KRI1: variants seen among roughly 807,000 people sequenced by gnomAD.
The protein encoded by KRI1 is KRI1 homolog, also known as protein KRI1 homolog.
In KRI1, 83 loss-of-function variants were observed where a neutral mutation model predicts 97.0. That is an observed-to-expected ratio of 0.86 (90% CI 0.72 to 1.03). The LOEUF (loss-of-function observed/expected upper bound fraction) is 1.03. Among genes scored for constraint, KRI1 ranks in the 50% least tolerant of loss-of-function variants. The probability of loss-of-function intolerance (pLI) is 0.00; values close to 1 mark genes in which losing one functional copy is unlikely to be tolerated. For missense variants in KRI1, 916 were observed against 928.4 expected, an observed-to-expected ratio of 0.99 and a Z score of 0.17; for synonymous variants, 371 against 363.5, an observed-to-expected ratio of 1.02 and a Z score of -0.23.
chr19:10,565,964 C>T lies in KRI1; in HGVS notation c.36G>A (p.Val12=). The T allele has an allele frequency of 6.5e-7, 1 of 1,528,562 alleles. No individual in the cohort carries two copies. Among genetic ancestry groups the T allele is most frequent in the Admixed American group, 2.0e-5 (1 of 49,806 alleles). The allele number at this position is 1,528,562 out of a possible 1,614,324, so 94.7% of individuals were successfully genotyped here. ...PEPRGSSQLR[V]NAAFAARYNR... ...TGTACCGCGCGGCAAACGCCGCGTTCACCCGCAGCTGCGACGACCCGCGCG... is the reference window on the plus strand; with the variant it reads ...TGTACCGCGCGGCAAACGCCGCGTTTACCCGCAGCTGCGACGACCCGCGCG... The change falls in exon 1 of 19, where the codon GTG becomes GTA. Residue 12 remains valine, a synonymous_variant. Coordinates refer to ENST00000312962, the MANE Select transcript of KRI1 (RefSeq NM_023008.5).
rs367928481 is a variant in KRI1 at position 10,562,878 on chromosome 19, C to G, written c.275-41G>C. ...AGACACCTGCCATCACCCACAACCC[C>G]CTTCTTTGCCGTGGCAGAGAATCCC... is the stretch of plus-strand genomic sequence containing the variant. On this transcript the variant is annotated intron_variant, in intron 3 of 18. Coordinates refer to ENST00000312962, the MANE Select transcript of KRI1 (RefSeq NM_023008.5). 1.7e-5 allele frequency: 22 copies of G among 1,267,620 alleles called. No homozygotes were observed. The African/African-American group carries it at 2.9e-4, about 17-fold the overall frequency. The allele number at this position is 1,267,620 out of a possible 1,614,324, so 78.5% of individuals were successfully genotyped here. A position where few individuals can be genotyped will look rare whatever the true frequency, so the allele number is the denominator to read the frequency against.
In KRI1 at chr19:10,554,165, T is replaced by A. The variant is rs773214524; in HGVS notation, c.1898A>T (p.Glu633Val). The A allele has an allele frequency of 1.4e-5, 22 of 1,613,868 alleles. No individual in the cohort carries two copies. In the Admixed American group the frequency reaches 2.0e-4, roughly 15 times the overall value. Residue 633 changes from glutamate (E) to valine (V), a missense_variant, in exon 19 of 19, where the codon GAA (glutamate) becomes GTA (valine). Glu to Val is a moderately radical substitution (Grantham distance 121). Transcript: ENST00000312962. ...GTGGGGTGATACAGGGGCTTCCTCT[T>A]CCTGTGCTGGGGGACTCTCCGGCCC... ...LMGPESPPAQ[E>V]EEAPVSPHKK...
At position 10,553,556 on chromosome 19, in the gene KRI1, C is replaced by G. The variant is rs78495974; in HGVS notation, c.*395G>C. ...TAAAATGGGACGACTTCCTTACCCA[C>G]AGCTACACGTGTTTTTTAATTTTTT... On this transcript the variant is annotated 3_prime_UTR_variant, in exon 19 of 19. Coordinates refer to ENST00000312962, the MANE Select transcript of KRI1 (RefSeq NM_023008.5). 2,391 of 184,172 alleles carry G rather than the reference C, an allele frequency of 0.013. 55 individuals are homozygous for G. Among genetic ancestry groups the G allele is most frequent in the African/African-American group, 0.053 (2,228 of 42,202 alleles). 11.4% of individuals were successfully genotyped at this position (184,172 alleles called of 1,614,324 possible).
chr19:10,554,205 C>G lies in KRI1; in HGVS notation c.1858G>C (p.Asp620His), dbSNP rs1417867308. Residue 620 changes from aspartate (D) to histidine (H), a missense_variant, in exon 19 of 19, where the codon GAT (aspartate) becomes CAT (histidine). This residue lies in a region of KRI1 where 672 missense variants were observed against 667.2 expected (regional missense o/e 1.01). Coordinates refer to ENST00000312962, the MANE Select transcript of KRI1 (RefSeq NM_023008.5). ...CTCTCCGGCCCCATCAAGCTGCCAT[C>G]AAGGGCTGGCAGCTGCCTCTGTGGG... ...AGPQRQLPAL[D>H]GSLMGPESPP... The G allele has an allele frequency of 6.2e-7, 1 of 1,614,082 alleles. No homozygotes were observed. Among genetic ancestry groups the G allele is most frequent in the South Asian group, 1.1e-5 (1 of 91,086 alleles).
chr19:10,565,293 A>C (rs1916828743), intron 2 of KRI1: 1 of 558,316 alleles, frequency 1.8e-6, no homozygotes, highest in Non-Finnish European at 3.2e-6. Flanking sequence ...AAGACTTGAC[A>C]AGGGGCAGGT....
rs778611922 is a variant in KRI1 at position 10,558,259 on chromosome 19, G to A, written c.1195-20C>T. ...GCACTTCTGCAGGGTCAGGGCTGGC[G>A]GTTACCAGAGCCCACTCGAGACATA... On this transcript the variant is annotated intron_variant, in intron 12 of 18. Transcript: ENST00000312962. The A allele has an allele frequency of 6.8e-6, 11 of 1,613,022 alleles. No homozygotes were observed. Among genetic ancestry groups the A allele is most frequent in the African/African-American group, 2.7e-5 (2 of 74,846 alleles).
At position 10,555,295 on chromosome 19, in the gene KRI1, AG is replaced by A. The variant is rs778241796; in HGVS notation, c.1671del (p.Cys558AlafsTer66). ...GCCCCGCCCCATCACCTGTACATGCAGGTCTTCTTTAGGGAGCACCACCGGT... is the reference window on the plus strand; with the variant it reads ...GCCCCGCCCCATCACCTGTACATGCAGTCTTCTTTAGGGAGCACCACCGGT... ...ELNRWCSLKK[T>X]CMYRSEQEEL... is the part of the protein sequence containing the mutation. On this transcript the variant is annotated frameshift_variant, in exon 17 of 19. Transcript: ENST00000312962. LOFTEE classifies it high-confidence loss of function. 1 of 1,564,232 alleles carries A rather than the reference AG, an allele frequency of 6.4e-7. No individual in the cohort carries two copies. The highest frequency in any genetic ancestry group is 8.7e-7 in the Non-Finnish European group (1 of 1,154,752).
In KRI1 at chr19:10,564,040, G is replaced by A. The variant is rs912475628; in HGVS notation, c.274+889C>T. Among the ~76,000 whole-genome samples the A allele has an allele frequency of 5.3e-5, 8 of 152,056 alleles. 1 individual carries two copies. The highest frequency in any genetic ancestry group is 2.0e-4 in the Admixed American group (3 of 15,240). ...ACGCACCTGTAATCCCAGCTACTCCGGAGGCTGAGGCAGGAGAATCGGTTG... is the reference window on the plus strand; with the variant it reads ...ACGCACCTGTAATCCCAGCTACTCCAGAGGCTGAGGCAGGAGAATCGGTTG... On this transcript the variant is annotated intron_variant, in intron 3 of 18. Coordinates refer to ENST00000312962, the MANE Select transcript of KRI1 (RefSeq NM_023008.5).
Position 10,553,277 on chromosome 19 carries a change from G to T in KRI1, c.*674C>A. 1 of 631,710 alleles carries T rather than the reference G, an allele frequency of 1.6e-6. No homozygotes were observed. The highest frequency in any genetic ancestry group is 2.9e-5 in the East Asian group (1 of 34,616). The allele number at this position is 631,710 out of a possible 1,614,324, so 39.1% of individuals were successfully genotyped here. On this transcript the variant is annotated 3_prime_UTR_variant, in exon 19 of 19. Coordinates refer to ENST00000312962, the MANE Select transcript of KRI1 (RefSeq NM_023008.5). Reference sequence around the variant, plus strand: ...CCACCAGCGGGGCCCTCCTGGCAGGGTAGGGAAGGAGGACCCCGGGCACCC... The same window carrying T: ...CCACCAGCGGGGCCCTCCTGGCAGGTTAGGGAAGGAGGACCCCGGGCACCC...
rs909910604 is a variant in KRI1 at position 10,556,769 on chromosome 19, T to C, written c.1617+783A>G. Among the ~76,000 whole-genome samples, 6 of 152,118 alleles carry C rather than the reference T, an allele frequency of 3.9e-5. No individual in the cohort carries two copies. In the South Asian group the frequency reaches 6.2e-4, roughly 16 times the overall value. On this transcript the variant is annotated intron_variant, in intron 16 of 18. Transcript: ENST00000312962. ...ACTTTGGGAGGCCAAAGCAGGAAGC[T>C]TGTTTAGGCCCAGGGAGTTCGAGAC...
rs1599528318 is a variant in KRI1, at chr19:10,554,039, T to C, written c.2024A>G (p.Gln675Arg). The C allele has an allele frequency of 6.2e-7, 1 of 1,614,196 alleles. No individual in the cohort carries two copies. The highest frequency in any genetic ancestry group is 8.5e-7 in the Non-Finnish European group (1 of 1,180,038). ...CCGTTTGGGGTTGAGGCCAAAGGCC[T>C]GCAGTCTCTGGCGGCTGAACTCGCA... ...GGCEFSRQRL[Q>R]AFGLNPKRLH... The change falls in exon 19 of 19, where the codon CAG becomes CGG. Residue 675 changes from glutamine to arginine, a missense_variant. Coordinates refer to ENST00000312962, the MANE Select transcript of KRI1 (RefSeq NM_023008.5).
At chr19:10,564,860 C>T in intron 3 of KRI1, 69 bp downstream of exon 3, 4 of 973,496 alleles carry the variant, frequency 4.1e-6, no homozygotes, top group Admixed American at 1.7e-5. Context: ...TCTCTGAATC[C>T]ACAGTCAGGA....
intron 2 of KRI1, 184 bp from the exon 3 acceptor site, chr19:10,565,218 G>A (rs1916825945): frequency 3.2e-6 from 2 of 625,636 alleles, no homozygotes; most frequent in Non-Finnish European, 5.7e-6. Flanking sequence ...GCAGGCCACA[G>A]GTAGGTACAG....
Position 10,557,994 on chromosome 19 carries a change from T to G in KRI1, c.1337A>C (p.His446Pro), listed in dbSNP as rs935285149. The change falls in exon 14 of 19, where the codon CAC becomes CCC. Residue 446 changes from histidine to proline, a missense_variant. His to Pro is a moderately conservative substitution (Grantham distance 77). Transcript: ENST00000312962. ...TACGTTGAAGTTGGGGTCCTCACAG[T>G]GCAGCTCCTGCTGGCTCCAGTCTCC... is the stretch of plus-strand genomic sequence containing the variant. Reference protein sequence around the residue: ...QEGDWSQQELHCEDPNFNMDA... With the variant: ...QEGDWSQQELPCEDPNFNMDA... 1 of 1,614,094 alleles carries G rather than the reference T, an allele frequency of 6.2e-7. No individual in the cohort carries two copies.
chr19:10,561,328 T>C, intron 6 of KRI1, 63 bp from the exon 7 acceptor site: 1 of 1,443,568 alleles, frequency 6.9e-7, no homozygotes. Flanking sequence ...TGCCCCAGTA[T>C]TTATTTTATT....
chr19:10,561,037 T>G lies in KRI1; in HGVS notation c.629A>C (p.Lys210Thr). The G allele has an allele frequency of 6.2e-7, 1 of 1,614,186 alleles. No individual in the cohort carries two copies. The highest frequency in any genetic ancestry group is 8.5e-7 in the Non-Finnish European group (1 of 1,180,024). Residue 210 changes from lysine (K) to threonine (T), a missense_variant, in exon 8 of 19, where the codon AAA becomes ACA. Lys to Thr is a moderately conservative substitution (Grantham distance 78). This residue lies in a region of KRI1 where 672 missense variants were observed against 667.2 expected (regional missense o/e 1.01). Coordinates refer to ENST00000312962, the MANE Select transcript of KRI1 (RefSeq NM_023008.5). ...CAGGGAATCTGGGTTCCGAATCTCT[T>G]TCTGTCCCTTCAGCCACTCGATGTA... ...ADYIEWLKGQKEIRNPDSLKE... is the reference protein window; with the variant it reads ...ADYIEWLKGQTEIRNPDSLKE...
intron 16 of KRI1, 139 bp from the exon 17 acceptor site, chr19:10,555,488 T>C (rs1916478901): frequency 1.2e-6 from 1 of 857,656 alleles, no homozygotes; most frequent in South Asian, 1.5e-5. Flanking sequence ...AGACAGCTGA[T>C]CTCTACAGAG....
chr19:10,559,236 C>T, intron 12 of KRI1, 123 bp downstream of exon 12: 1 of 1,036,744 alleles, frequency 9.6e-7, no homozygotes, highest in South Asian at 1.5e-5. Flanking sequence ...AACTCCTGAC[C>T]TCAGGTGATC....
chr19:10,557,006 G>T (rs1288964082), intron 16 of KRI1, among the ~76,000 whole-genome samples: 1 of 152,074 alleles, frequency 6.6e-6, no homozygotes, highest in Non-Finnish European at 1.5e-5. Flanking sequence ...ATATTTACGG[G>T]GCGTGCCATA....
Sources: allele counts gnomAD v4.1 joint callset (sites outside exome capture counted in the v4.1 genomes callset), GRCh38; gene constraint gnomAD v4.1.1; regional missense constraint gnomAD v4.1.1; transcripts MANE v1.5; gene names NCBI Gene and HGNC (gene_info 2026-07-23, HGNC 2026-07-21).